Variants in UBE4B observed in about 807,000 individuals in gnomAD.
UBE4B encodes ubiquitin conjugation factor E4 B.
Under a neutral mutation model 148.1 loss-of-function variants are expected in UBE4B, and 27 were observed. The observed-to-expected ratio is 0.18, with a 90% CI of 0.13 to 0.25. The LOEUF (loss-of-function observed/expected upper bound fraction) is 0.25, where lower values mean the gene tolerates loss of function less well. Among genes scored for constraint, UBE4B ranks in the 10% least tolerant of loss-of-function variants. UBE4B has a pLI of 1.00. For synonymous variants in UBE4B, 596 were observed against 619.3 expected (o/e 0.96, Z 0.56); for missense variants, 1,170 against 1,662.4 (o/e 0.70, Z 5.15).
chr1:10,070,528 G>A (rs970155082), intron 1 of UBE4B, among the ~76,000 whole-genome samples: 4 of 150,748 alleles, frequency 2.7e-5, no homozygotes, highest in Admixed American at 2.0e-4. Flanking sequence ...TTCCCACCAA[G>A]GATAACCATT....
At chr1:10,090,792 T>TG (rs1491131555) in intron 2 of UBE4B, among the ~76,000 whole-genome samples, 56 of 136,988 alleles carry the variant, frequency 4.1e-4, no homozygotes, top group African/African-American at 1.3e-3. Context: ...AGCCTATGCA[T>TG]TTGTGTGTGT....
chr1:10,167,437 C>CAAA (rs1557612764), intron 23 of UBE4B, among the ~76,000 whole-genome samples: 3 of 120,424 alleles, frequency 2.5e-5, no homozygotes, highest in African/African-American at 1.5e-4. Flanking sequence ...AACTCCGTCT[C>CAAA]AAAAAATAAT....
intron 16 of UBE4B, among the ~76,000 whole-genome samples, chr1:10,135,528 G>A (rs180980483): frequency 0.017 from 2,615 of 151,938 alleles, 33 homozygotes; most frequent in Non-Finnish European, 0.027. Flanking sequence ...CAAAAGGTCC[G>A]GAGTTCATGA....
At chr1:10,082,257 G>C (rs1336969447) in intron 2 of UBE4B, among the ~76,000 whole-genome samples, 1 of 152,026 alleles carries the variant, frequency 6.6e-6, no homozygotes, top group African/African-American at 2.4e-5. Context: ...CTAGTGCTTT[G>C]GGAGGTCTAG....
chr1:10,148,119 C>T (rs571548615), intron 19 of UBE4B, among the ~76,000 whole-genome samples: 2,358 of 151,368 alleles, frequency 0.016, 68 homozygotes, highest in African/African-American at 0.053. Context: ...CCCAGCTACT[C>T]GGGAGGCTGA....
In UBE4B at chr1:10,161,999, C is replaced by CTTTTCTTTTTTTTTTTTTTTTTT. The variant is rs1553154002; in HGVS notation, c.3198+717_3198+718insCTTTTTTTTTTTTTTTTTTTTTT. On this transcript the variant is annotated intron_variant, in intron 23 of 27. Transcript: ENST00000343090. The surrounding 1 kb of genome is among the most constrained non-coding windows in gnomAD (Gnocchi z 4.1). ...GGGGACTGCTTTTTCTTCACTTTTT[C>CTTTTCTTTTTTTTTTTTTTTTTT]TTTTTTTTTTTTTTTTGAGACGGAG... Among the ~76,000 whole-genome samples the CTTTTCTTTTTTTTTTTTTTTTTT allele has an allele frequency of 8.0e-5, 11 of 137,254 alleles. No homozygotes were observed. The highest frequency in any genetic ancestry group is 1.6e-4 in the Non-Finnish European group (10 of 62,928). The allele number at this position is 137,254 out of a possible 152,430, so 90.0% of individuals were successfully genotyped here.
Position 10,151,315 on chromosome 1 carries a change from C to T in UBE4B, c.2691-11C>T, listed in dbSNP as rs1279716859. ...AGCGGTCTCTTTCTTGCTCTTCTTG[C>T]CTCTGTTCAGATACTCTCCCCAGGC... On this transcript the variant is annotated splice_polypyrimidine_tract_variant and intron_variant, in intron 20 of 27. Transcript: ENST00000343090. 2.5e-6 allele frequency: 4 copies of T among 1,612,650 alleles called. No homozygotes were observed. The highest frequency in any genetic ancestry group is 4.5e-5 in the East Asian group (2 of 44,870).
intron 1 of UBE4B, among the ~76,000 whole-genome samples, chr1:10,045,896 G>C (rs950160974): frequency 1.3e-5 from 2 of 152,306 alleles, no homozygotes; most frequent in South Asian, 4.1e-4. Flanking sequence ...TCATCGAGTT[G>C]ATTGTTGTAA....
intron 25 of UBE4B, 91 bp downstream of exon 25, chr1:10,171,420 A>C: frequency 2.1e-6 from 3 of 1,446,796 alleles, no homozygotes; most frequent in Non-Finnish European, 2.8e-6. Flanking sequence ...GGTGTAAATG[A>C]AGATGAGTGG....
chr1:10,134,612 G>T (rs1255488750), intron 15 of UBE4B, among the ~76,000 whole-genome samples: 1 of 152,114 alleles, frequency 6.6e-6, no homozygotes, highest in Non-Finnish European at 1.5e-5. Context: ...TGCTAATATA[G>T]AATTAATGGA....
chr1:10,150,643 C>A (rs548498896), intron 20 of UBE4B, among the ~76,000 whole-genome samples: 1 of 152,120 alleles, frequency 6.6e-6, no homozygotes, highest in Admixed American at 6.6e-5. Flanking sequence ...GGGCAAATCA[C>A]GAGGTCAAAA....
intron 17 of UBE4B, among the ~76,000 whole-genome samples, chr1:10,144,196 C>A (rs1045456152): frequency 2.0e-5 from 3 of 152,148 alleles, no homozygotes; most frequent in Non-Finnish European, 2.9e-5. Context: ...CCAGAGATAA[C>A]CTCAGAGAAG....
chr1:10,166,849 C>A (rs376709333), intron 23 of UBE4B, among the ~76,000 whole-genome samples: 1 of 151,754 alleles, frequency 6.6e-6, no homozygotes, highest in Non-Finnish European at 1.5e-5. Context: ...GGCTCGAACC[C>A]GGGAGGCAGA....
intron 5 of UBE4B, among the ~76,000 whole-genome samples, chr1:10,104,575 T>G (rs1645075490): frequency 6.6e-6 from 1 of 152,178 alleles, no homozygotes; most frequent in Non-Finnish European, 1.5e-5. Flanking sequence ...AAAAAAAAAG[T>G]CCTTTGTATT....
At chr1:10,061,341 G>A (rs116661119) in intron 1 of UBE4B, among the ~76,000 whole-genome samples, 5,112 of 152,046 alleles carry the variant, frequency 0.034, 103 homozygotes, top group African/African-American at 0.06. Context: ...TACAACCTCC[G>A]TTTCCTGGGT....
chr1:10,053,222 C>A (rs1460095149), intron 1 of UBE4B, among the ~76,000 whole-genome samples: 2 of 144,464 alleles, frequency 1.4e-5, no homozygotes, highest in Non-Finnish European at 3.0e-5. Flanking sequence ...GATCTCGGCT[C>A]GCTGCAAGCT....
chr1:10,071,426 T>TA (rs1284062989), intron 1 of UBE4B, among the ~76,000 whole-genome samples: 1 of 151,790 alleles, frequency 6.6e-6, no homozygotes, highest in Non-Finnish European at 1.5e-5. Flanking sequence ...TGTCAAAAAT[T>TA]AAAAAAAATT....
intron 25 of UBE4B, among the ~76,000 whole-genome samples, chr1:10,176,714 C>A (rs1299559680): frequency 6.7e-6 from 1 of 148,316 alleles, no homozygotes; most frequent in Non-Finnish European, 1.5e-5. Flanking sequence ...TATTCATGTT[C>A]TTTGCCCATT....
chr1:10,087,351 A>G (rs1644782322), intron 2 of UBE4B, among the ~76,000 whole-genome samples: 1 of 152,232 alleles, frequency 6.6e-6, no homozygotes, highest in Admixed American at 6.5e-5. Flanking sequence ...TGAAGATAGT[A>G]TACAGGATTC....
Sources: allele counts gnomAD v4.1 joint callset (sites outside exome capture counted in the v4.1 genomes callset), GRCh38; gene constraint gnomAD v4.1.1; non-coding constraint Gnocchi (gnomAD v3.1); transcripts MANE v1.5; gene names NCBI Gene and HGNC (gene_info 2026-07-23, HGNC 2026-07-21).